The following ATG10 variants were observed in gnomAD, a reference collection of about 807,000 sequenced individuals.
The protein encoded by ATG10 is ubiquitin-like-conjugating enzyme ATG10.
In ATG10, 30 loss-of-function variants were observed where a neutral mutation model predicts 32.1. That is an observed-to-expected ratio of 0.94 (90% CI 0.70 to 1.27). The LOEUF (loss-of-function observed/expected upper bound fraction) is 1.27, where lower values mean the gene tolerates loss of function less well. Among genes scored for constraint, ATG10 ranks in the 50% most tolerant of loss-of-function variants. ATG10 has a pLI of 0.00. For missense variants in ATG10, 233 were observed against 262.3 expected (o/e 0.89, Z 0.77); for synonymous variants, 87 against 91.5 (o/e 0.95, Z 0.28).
intron 5 of ATG10, among the ~76,000 whole-genome samples, chr5:82,182,818 G>A (rs1744284728): frequency 6.6e-6 from 1 of 152,078 alleles, no homozygotes; most frequent in Admixed American, 6.6e-5. Flanking sequence ...TCAGTATCTT[G>A]TTTGTGATAT....
chr5:82,146,608 C>T (rs1000647907), intron 3 of ATG10, among the ~76,000 whole-genome samples: 3 of 148,968 alleles, frequency 2.0e-5, no homozygotes, highest in Non-Finnish European at 3.0e-5. Context: ...TGTTCATTTT[C>T]TTTTGTTTTT....
intron 2 of ATG10, among the ~76,000 whole-genome samples, chr5:82,013,072 C>G (rs1267830827): frequency 1.3e-5 from 2 of 151,952 alleles, no homozygotes; most frequent in African/African-American, 4.8e-5. Flanking sequence ...AGTGATTCTC[C>G]TGCCTCAGCC....
At chr5:82,126,058 C>T (rs955058271) in intron 3 of ATG10, among the ~76,000 whole-genome samples, 1 of 131,228 alleles carries the variant, frequency 7.6e-6, no homozygotes, top group Non-Finnish European at 1.6e-5. Context: ...GTGAGTTTGC[C>T]TATGATTTGG....
intron 3 of ATG10, among the ~76,000 whole-genome samples, chr5:82,128,577 G>A (rs957063780): frequency 2.6e-5 from 4 of 151,548 alleles, no homozygotes; most frequent in African/African-American, 9.7e-5. Context: ...GAAATTCTGG[G>A]TTGAAAATTC....
At chr5:82,007,350 T>A (rs1762012898) in intron 2 of ATG10, among the ~76,000 whole-genome samples, 2 of 152,232 alleles carry the variant, frequency 1.3e-5, no homozygotes, top group African/African-American at 4.8e-5. Flanking sequence ...TTTCCATGTG[T>A]ATTTGACAAG....
At chr5:82,056,654 G>A (rs1377032687) in intron 2 of ATG10, among the ~76,000 whole-genome samples, 4 of 151,476 alleles carry the variant, frequency 2.6e-5, no homozygotes, top group African/African-American at 9.7e-5. Context: ...GAGTCTCTGG[G>A]GCCGGCAGTA....
At chr5:82,123,754 ACTGT>A (rs1410711631) in intron 3 of ATG10, among the ~76,000 whole-genome samples, 1 of 123,620 alleles carries the variant, frequency 8.1e-6, no homozygotes, top group Admixed American at 9.0e-5. Context: ...ACAGGGAGAC[ACTGT>A]CTGTACAAAA....
intron 2 of ATG10, among the ~76,000 whole-genome samples, chr5:81,993,022 T>G (rs939135706): frequency 1.3e-5 from 2 of 152,130 alleles, no homozygotes; most frequent in African/African-American, 4.8e-5. Flanking sequence ...CTCAGGAAGG[T>G]GGTACACTTG....
intron 5 of ATG10, among the ~76,000 whole-genome samples, chr5:82,238,039 A>T (rs1387619783): frequency 1.3e-5 from 2 of 152,236 alleles, no homozygotes; most frequent in African/African-American, 4.8e-5. Flanking sequence ...GTATCATCCC[A>T]GGGAACAAGG....
chr5:81,998,593 C>T (rs1316359695), intron 2 of ATG10, among the ~76,000 whole-genome samples: 3 of 152,098 alleles, frequency 2.0e-5, no homozygotes, highest in African/African-American at 7.2e-5. Context: ...CACAGAGTGG[C>T]AAGTTGGGTA....
chr5:82,230,486 C>G (rs1289789213), intron 5 of ATG10, among the ~76,000 whole-genome samples: 1 of 152,004 alleles, frequency 6.6e-6, no homozygotes, highest in Non-Finnish European at 1.5e-5. Flanking sequence ...GTAATCCCAG[C>G]ACTTTGGGAT....
intron 2 of ATG10, among the ~76,000 whole-genome samples, chr5:81,993,360 C>CCTTCT (rs1761531549): frequency 2.1e-4 from 10 of 46,796 alleles, no homozygotes; most frequent in South Asian, 8.1e-4. Flanking sequence ...TCTTTCTTTC[C>CCTTCT]TTCTTTTCTT....
chr5:82,255,687 A>ACTTGCTT lies in ATG10; in HGVS notation c.*1626_*1632dup, dbSNP rs1177311843. 3 of 152,186 alleles carry ACTTGCTT rather than the reference A, an allele frequency of 2.0e-5. No homozygotes were observed. The highest frequency in any genetic ancestry group is 2.0e-4 in the Admixed American group (3 of 15,272). 9.4% of individuals were successfully genotyped at this position (152,186 alleles called of 1,614,324 possible). On this transcript the variant is annotated 3_prime_UTR_variant, in exon 8 of 8. Transcript: ENST00000282185. ...GCCTTTTCCAATCCATACAAGCTGAACTTGCTTCCTAATGTTTGTCTAGGC... is the reference window on the plus strand; with the variant it reads ...GCCTTTTCCAATCCATACAAGCTGAACTTGCTTCTTGCTTCCTAATGTTTGTCTAGGC...
At chr5:82,065,397 G>A (rs950089879) in intron 3 of ATG10, among the ~76,000 whole-genome samples, 2 of 151,788 alleles carry the variant, frequency 1.3e-5, no homozygotes, top group South Asian at 2.1e-4. Flanking sequence ...CAGGAGAATT[G>A]CTTGAACCCA....
intron 3 of ATG10, among the ~76,000 whole-genome samples, chr5:82,065,045 T>C (rs1314714206): frequency 6.6e-6 from 1 of 152,222 alleles, no homozygotes; most frequent in Non-Finnish European, 1.5e-5. Context: ...AAGTTAGTCA[T>C]ATTAATTAAG....
At chr5:82,078,778 G>A (rs1764367829) in intron 3 of ATG10, 1 of 152,232 alleles carries the variant, frequency 6.6e-6, no homozygotes. Context: ...AAGTGTGTAT[G>A]AGCTGTATTG....
chr5:82,147,213 G>T, intron 3 of ATG10: 1 of 228,300 alleles, frequency 4.4e-6, no homozygotes, highest in Non-Finnish European at 9.0e-6. Flanking sequence ...CTGTCACCCA[G>T]GCTGGAGTGC....
intron 5 of ATG10, among the ~76,000 whole-genome samples, chr5:82,229,074 A>T (rs1746246256): frequency 2.0e-5 from 3 of 152,204 alleles, no homozygotes. Flanking sequence ...TCCCAATTTG[A>T]TGAGTAATTC....
At chr5:82,060,260 A>G (rs1356226223) in intron 3 of ATG10, among the ~76,000 whole-genome samples, 3 of 152,226 alleles carry the variant, frequency 2.0e-5, no homozygotes, top group African/African-American at 7.2e-5. Context: ...ATATCTATAT[A>G]CTTACCACCT....
Sources: allele counts gnomAD v4.1 joint callset (sites outside exome capture counted in the v4.1 genomes callset), GRCh38; gene constraint gnomAD v4.1.1; transcripts MANE v1.5; gene names NCBI Gene and HGNC (gene_info 2026-07-23, HGNC 2026-07-21).